Variants in RHOQ observed in about 807,000 individuals in gnomAD.
RHOQ encodes the protein ras homolog family member Q.
RHOQ carries 7 observed loss-of-function variants against 25.8 expected under a neutral mutation model. The ratio of observed to expected loss-of-function variants is 0.27; its 90% CI spans 0.15 to 0.51. The LOEUF (loss-of-function observed/expected upper bound fraction) is 0.51, where lower values mean the gene tolerates loss of function less well. RHOQ is among the 20% of genes least tolerant of loss of function. RHOQ has a pLI of 0.97. For missense variants in RHOQ, 165 were observed against 260.6 expected (o/e 0.63, Z 2.53); for synonymous variants, 97 against 98.6 (o/e 0.98, Z 0.10).
rs1047350305 is a variant in RHOQ at position 46,548,981 on chromosome 2, G to C, written c.201+5169G>C. Among the ~76,000 whole-genome samples the C allele has an allele frequency of 2.6e-5, 4 of 152,042 alleles. No homozygotes were observed. Among genetic ancestry groups the C allele is most frequent in the African/African-American group, 9.7e-5 (4 of 41,390 alleles). ...TTTGGGTTATGCCAGCTTAGACTGT[G>C]GGCTGGCAGGCAGGGACTTTAGGGT... On this transcript the variant is annotated intron_variant, in intron 2 of 4. Coordinates refer to ENST00000238738, the MANE Select transcript of RHOQ (RefSeq NM_012249.4). The surrounding 1 kb of genome is among the most constrained non-coding windows in gnomAD (Gnocchi z 5.2).
At chr2:46,575,956 A>T in intron 2 of RHOQ, 131 bp from the exon 3 acceptor site, 1 of 596,658 alleles carries the variant, frequency 1.7e-6, no homozygotes, top group Non-Finnish European at 2.6e-6. Flanking sequence ...ATCTGATTTT[A>T]CTTAGAGTGC....
chr2:46,550,673 G>A (rs1489648432), intron 2 of RHOQ, among the ~76,000 whole-genome samples: 1 of 152,220 alleles, frequency 6.6e-6, no homozygotes, highest in Non-Finnish European at 1.5e-5. Context: ...GCTCACTTCT[G>A]TGAGCCTCTC....
Position 46,576,462 on chromosome 2 carries a change from A to G in RHOQ, c.367-99A>G. On this transcript the variant is annotated intron_variant, in intron 3 of 4. Coordinates refer to ENST00000238738, the MANE Select transcript of RHOQ (RefSeq NM_012249.4). The surrounding 1 kb of genome is among the most constrained non-coding windows in gnomAD (Gnocchi z 5.1). ...TTTAAAAATTAAGTTCTTTTGTTTA[A>G]TCTTTTTTTGGTATGTGGGAATTAA... The G allele has an allele frequency of 1.1e-6, 1 of 929,376 alleles. No homozygotes were observed. 57.6% of individuals were successfully genotyped at this position (929,376 alleles called of 1,614,324 possible).
At chr2:46,554,051 C>T (rs1668333408) in intron 2 of RHOQ, among the ~76,000 whole-genome samples, 1 of 151,598 alleles carries the variant, frequency 6.6e-6, no homozygotes, top group South Asian at 2.1e-4. Flanking sequence ...CTGTTGCTGG[C>T]TTATTTTACT....
intron 2 of RHOQ, among the ~76,000 whole-genome samples, chr2:46,550,223 C>T (rs1007885395): frequency 8.0e-5 from 12 of 149,564 alleles, no homozygotes; most frequent in East Asian, 3.9e-4. Context: ...GGCATTAGAG[C>T]GAGACCGTGT....
chr2:46,565,542 G>T (rs879748570), intron 2 of RHOQ, among the ~76,000 whole-genome samples: 1 of 152,200 alleles, frequency 6.6e-6, no homozygotes, highest in Non-Finnish European at 1.5e-5. Context: ...AAATGGCCCT[G>T]CTCACAGGAG....
intron 2 of RHOQ, among the ~76,000 whole-genome samples, chr2:46,562,185 T>A (rs1208554847): frequency 6.6e-6 from 1 of 152,086 alleles, no homozygotes; most frequent in East Asian, 1.9e-4. Flanking sequence ...ACCTCTAAGT[T>A]TGAAACTCCC....
chr2:46,549,801 C>T (rs1668184390), intron 2 of RHOQ, among the ~76,000 whole-genome samples: 1 of 152,186 alleles, frequency 6.6e-6, no homozygotes, highest in Non-Finnish European at 1.5e-5. Flanking sequence ...AGAACGCTCT[C>T]CTGCCCAGTG....
intron 2 of RHOQ, among the ~76,000 whole-genome samples, chr2:46,563,988 C>T (rs1011150199): frequency 9.2e-5 from 14 of 151,880 alleles, no homozygotes; most frequent in African/African-American, 2.7e-4. Flanking sequence ...GAAATTTACA[C>T]GACATAAATT....
chr2:46,543,805 C>A lies in RHOQ; in HGVS notation c.194C>A (p.Ala65Asp). 6.2e-7 allele frequency: 1 copy of A among 1,613,368 alleles called. No homozygotes were observed. Among genetic ancestry groups the A allele is most frequent in the South Asian group, 1.1e-5 (1 of 90,934 alleles). Residue 65 changes from alanine (A) to aspartate (D), a missense_variant, in exon 2 of 5, where the codon GCC becomes GAC. Ala to Asp is a moderately radical substitution (Grantham distance 126). Transcript: ENST00000238738. ...KQYLLGLYDT[A>D]GQEDYDRLRP... ...TACCTCCTAGGACTCTATGACACGG[C>A]CGGACAGGTGAGTGTCTTGGCCTCT...
At position 46,548,273 on chromosome 2, in the gene RHOQ, C is replaced by T. The variant is rs1668135324; in HGVS notation, c.201+4461C>T. 6.6e-6 allele frequency among the ~76,000 whole-genome samples: 1 copy of T among 152,208 alleles called. No individual in the cohort carries two copies. The highest frequency in any genetic ancestry group is 2.4e-5 in the African/African-American group (1 of 41,444). ...CCAGCAGCTGTGGCTGCCCTGCATG[C>T]CCTCTGGGTGCCCACAAGGCACTTC... On this transcript the variant is annotated intron_variant, in intron 2 of 4. Coordinates refer to ENST00000238738, the MANE Select transcript of RHOQ (RefSeq NM_012249.4). This position sits in a 1 kb window ranked among gnomAD's most constrained non-coding sequence, Gnocchi z 5.2.
intron 2 of RHOQ, among the ~76,000 whole-genome samples, chr2:46,574,416 G>C (rs1323665900): frequency 6.6e-6 from 1 of 150,734 alleles, no homozygotes; most frequent in Non-Finnish European, 1.5e-5. Flanking sequence ...GCACTCAATT[G>C]TACTGTTTAA....
Position 46,581,418 on chromosome 2 carries a change from T to C in RHOQ, c.*335T>C. ...AAATGGAACTGCTTGGCTTTGACCA[T>C]ACACATTTCTGCCCAGCCCTTACAG... is the stretch of plus-strand genomic sequence containing the variant. On this transcript the variant is annotated 3_prime_UTR_variant, in exon 5 of 5. Transcript: ENST00000238738. 1 of 1,575,558 alleles carries C rather than the reference T, an allele frequency of 6.3e-7. No individual in the cohort carries two copies. The highest frequency in any genetic ancestry group is 1.1e-5 in the South Asian group (1 of 87,028).
intron 1 of RHOQ, 85 bp downstream of exon 1, chr2:46,543,273 C>T: frequency 2.0e-6 from 3 of 1,505,368 alleles, no homozygotes; most frequent in Non-Finnish European, 2.8e-6. Flanking sequence ...TCGCCGCCTC[C>T]CCAGAGCGCA....
At chr2:46,565,369 G>A (rs565433632) in intron 2 of RHOQ, among the ~76,000 whole-genome samples, 29 of 152,308 alleles carry the variant, frequency 1.9e-4, no homozygotes, top group African/African-American at 6.3e-4. Flanking sequence ...ACAGTCAACT[G>A]TATTCTCCAT....
At chr2:46,557,974 T>A (rs978746629) in intron 2 of RHOQ, among the ~76,000 whole-genome samples, 2 of 152,236 alleles carry the variant, frequency 1.3e-5, no homozygotes, top group African/African-American at 2.4e-5. Context: ...TAGTGTACTA[T>A]GATTATATTT....
At chr2:46,577,770 T>A (rs187388293) in intron 4 of RHOQ, among the ~76,000 whole-genome samples, 1 of 152,008 alleles carries the variant, frequency 6.6e-6, no homozygotes, top group Non-Finnish European at 1.5e-5. Context: ...AAGAAAACTT[T>A]CTGGAGGACA....
chr2:46,560,729 T>C (rs1474227412), intron 2 of RHOQ: 2 of 428,500 alleles, frequency 4.7e-6, no homozygotes, highest in Non-Finnish European at 9.7e-6. Context: ...AATTTCTACT[T>C]TGCTAGACTT....
chr2:46,557,921 G>C (rs72875696), intron 2 of RHOQ, among the ~76,000 whole-genome samples: 23,506 of 152,106 alleles, frequency 0.15, 2,911 homozygotes, highest in African/African-American at 0.34. Context: ...TTTGACCACT[G>C]ATCAGTGTTT....
Sources: allele counts gnomAD v4.1 joint callset (sites outside exome capture counted in the v4.1 genomes callset), GRCh38; gene constraint gnomAD v4.1.1; non-coding constraint Gnocchi (gnomAD v3.1); transcripts MANE v1.5; gene names NCBI Gene and HGNC (gene_info 2026-07-23, HGNC 2026-07-21).